CASK: variants seen among roughly 807,000 people sequenced by gnomAD.
CASK encodes calcium/calmodulin dependent serine protein kinase, also known as peripheral plasma membrane protein CASK.
A neutral mutation model predicts 82.9 loss-of-function variants in CASK; 4 were observed. The ratio of observed to expected loss-of-function variants is 0.05; its 90% confidence interval spans 0.02 to 0.11. CASK has a LOEUF of 0.11. Among genes scored for constraint, CASK ranks in the 10% least tolerant of loss-of-function variants. CASK has a pLI of 1.00. For synonymous variants in CASK, 259 were observed against 253.5 expected, an observed-to-expected ratio of 1.02 and a Z score of -0.20; for missense variants, 358 against 720.9, an observed-to-expected ratio of 0.50 and a Z score of 5.76.
intron 25 of CASK, chrX:41,524,268 A>G (rs2064680368): frequency 5.1e-6 from 2 of 394,608 alleles, no homozygotes; most frequent in Non-Finnish European, 8.8e-6. Context: ...CATTTTTCTT[A>G]TGACTCATGA....
chrX:41,892,941 C>T (rs1050246786), intron 1 of CASK, among the ~76,000 whole-genome samples: 2 of 111,946 alleles, frequency 1.8e-5, no homozygotes, highest in Admixed American at 1.9e-4. Context: ...AGGCAAATTA[C>T]ACCAGTGATT....
intron 12 of CASK, among the ~76,000 whole-genome samples, chrX:41,597,783 T>G (rs2065840661): frequency 9.0e-6 from 1 of 111,727 alleles, no homozygotes; most frequent in South Asian, 3.7e-4. Flanking sequence ...TTTTCTGAAG[T>G]TGGAGATCAC....
rs1352904601 is a variant in CASK, at chrX:41,839,048, C to CT, written c.172+14066dup. Among the ~76,000 whole-genome samples the CT allele has an allele frequency of 5.4e-5, 6 of 111,863 alleles. No homozygotes were observed. In the East Asian group the frequency reaches 1.4e-3, roughly 26 times the overall value. On this transcript the variant is annotated intron_variant, in intron 2 of 26. Coordinates refer to ENST00000378163, the MANE Select transcript of CASK (RefSeq NM_001367721.1). ...TGCCAGTACTACTCTATATTAATTCCTATAGCTATATAAATCTATATAGTG... is the reference window on the plus strand; with the variant it reads ...TGCCAGTACTACTCTATATTAATTCCTTATAGCTATATAAATCTATATAGTG...
chrX:41,577,266 A>C (rs1264119603), intron 15 of CASK, among the ~76,000 whole-genome samples: 1 of 111,216 alleles, frequency 9.0e-6, no homozygotes, highest in Non-Finnish European at 1.9e-5. Context: ...AGGCTTACTG[A>C]TATTACCTAC....
At chrX:41,870,877 T>C (rs2148007822) in intron 1 of CASK, among the ~76,000 whole-genome samples, 1 of 112,342 alleles carries the variant, frequency 8.9e-6, no homozygotes, top group Non-Finnish European at 1.9e-5. Context: ...ATTAGTTTTT[T>C]ACTGTTGCAC....
intron 5 of CASK, among the ~76,000 whole-genome samples, chrX:41,715,437 T>C (rs1328660780): frequency 9.0e-6 from 1 of 110,932 alleles, no homozygotes. Context: ...CTGGCCGACA[T>C]GGCGAAACCC....
chrX:41,525,164 T>G (rs2064694420), intron 25 of CASK, among the ~76,000 whole-genome samples: 1 of 111,222 alleles, frequency 9.0e-6, no homozygotes, highest in Non-Finnish European at 1.9e-5. Flanking sequence ...AACCCATGGC[T>G]CCCCTGCTCA....
intron 2 of CASK, among the ~76,000 whole-genome samples, chrX:41,809,069 A>G (rs1041680519): frequency 1.8e-5 from 2 of 112,492 alleles, no homozygotes; most frequent in Non-Finnish European, 1.9e-5. Flanking sequence ...CTGAGGCTTA[A>G]GTAGGTAAAC....
At chrX:41,750,299 A>G (rs974940058) in intron 3 of CASK, among the ~76,000 whole-genome samples, 3 of 112,469 alleles carry the variant, frequency 2.7e-5, no homozygotes, top group Non-Finnish European at 5.6e-5. Context: ...CTGATATCCT[A>G]ACCTTGAACC....
At chrX:41,539,096 AT>A (rs1602231493) in intron 22 of CASK, among the ~76,000 whole-genome samples, 1 of 112,133 alleles carries the variant, frequency 8.9e-6, no homozygotes, top group African/African-American at 3.2e-5. Context: ...GTGATGACTT[AT>A]TAAAACTTAA....
intron 1 of CASK, among the ~76,000 whole-genome samples, chrX:41,870,490 T>G (rs1326467328): frequency 2.7e-5 from 3 of 112,022 alleles, no homozygotes; most frequent in Non-Finnish European, 5.6e-5. Context: ...CTACCCCGGA[T>G]AGAAAGTCAA....
At chrX:41,702,109 G>C (rs964465932) in intron 5 of CASK, among the ~76,000 whole-genome samples, 3 of 111,763 alleles carry the variant, frequency 2.7e-5, no homozygotes, top group Non-Finnish European at 5.6e-5. Flanking sequence ...ATCTTTGCCG[G>C]GCACGGTGGC....
intron 25 of CASK, chrX:41,529,744 G>A (rs1028815048): frequency 8.0e-5 from 9 of 112,198 alleles, no homozygotes; most frequent in African/African-American, 2.3e-4. Context: ...TTAAGTAAAC[G>A]GCAGTGTTCA....
intron 2 of CASK, among the ~76,000 whole-genome samples, chrX:41,841,562 C>A (rs1370634412): frequency 9.8e-6 from 1 of 102,286 alleles, no homozygotes; most frequent in East Asian, 3.0e-4. Flanking sequence ...GTCACCCAGG[C>A]TGGACTGCAG....
At chrX:41,874,209 A>G (rs776301452) in intron 1 of CASK, among the ~76,000 whole-genome samples, 6 of 111,780 alleles carry the variant, frequency 5.4e-5, no homozygotes, top group Admixed American at 9.4e-5. Context: ...TCTGGGGTAC[A>G]TGTGTAGGAC....
intron 8 of CASK, among the ~76,000 whole-genome samples, chrX:41,637,332 G>A (rs1316918237): frequency 2.0e-5 from 2 of 97,811 alleles, no homozygotes; most frequent in African/African-American, 7.7e-5. Flanking sequence ...AGCATTCTAC[G>A]TTGTCATGGA....
chrX:41,896,473 T>A (rs1009514356), intron 1 of CASK, among the ~76,000 whole-genome samples: 6 of 112,068 alleles, frequency 5.4e-5, no homozygotes, highest in Non-Finnish European at 1.9e-5. Flanking sequence ...CATTTCCCTC[T>A]CTTTCTCTTG....
intron 12 of CASK, among the ~76,000 whole-genome samples, chrX:41,590,543 C>G (rs184640712): frequency 1.7e-4 from 15 of 90,588 alleles, no homozygotes; most frequent in Non-Finnish European, 2.7e-4. Flanking sequence ...AAGAAAGAAA[C>G]TAAATATATT....
intron 5 of CASK, among the ~76,000 whole-genome samples, chrX:41,722,797 C>T (rs1020074080): frequency 1.4e-4 from 16 of 112,360 alleles, no homozygotes; most frequent in Admixed American, 3.8e-4. Context: ...GTTCTTTTTT[C>T]GGACCAAAGA....
Sources: allele counts gnomAD v4.1 joint callset (sites outside exome capture counted in the v4.1 genomes callset), GRCh38; gene constraint gnomAD v4.1.1; transcripts MANE v1.5; gene names NCBI Gene and HGNC (gene_info 2026-07-23, HGNC 2026-07-21).